CAMTA1: variants seen among roughly 807,000 people sequenced by gnomAD.
CAMTA1 encodes calmodulin binding transcription activator 1, also known as calmodulin-binding transcription activator 1.
CAMTA1 carries 27 observed loss-of-function variants against 170.9 expected under a neutral mutation model. The observed-to-expected ratio is 0.16, with a 90% CI of 0.12 to 0.22. The LOEUF (loss-of-function observed/expected upper bound fraction) is 0.22. CAMTA1 is among the 10% of genes least tolerant of loss of function. The pLI is 1.00. For synonymous variants in CAMTA1, 833 were observed against 891.5 expected, an observed-to-expected ratio of 0.93 and a Z score of 1.17; for missense variants, 1,619 against 2,217.2, an observed-to-expected ratio of 0.73 and a Z score of 5.42.
At chr1:7,676,725 G>A (rs2096124441) in intron 10 of CAMTA1, among the ~76,000 whole-genome samples, 1 of 152,202 alleles carries the variant, frequency 6.6e-6, no homozygotes, top group Non-Finnish European at 1.5e-5. Context: ...CAGGGATGAG[G>A]CCTGGCGGGG....
chr1:7,345,369 T>C (rs1352806401), intron 5 of CAMTA1, among the ~76,000 whole-genome samples: 1 of 151,860 alleles, frequency 6.6e-6, no homozygotes, highest in African/African-American at 2.4e-5. Flanking sequence ...ATTTGAAATC[T>C]GGATCTATCT....
intron 4 of CAMTA1, among the ~76,000 whole-genome samples, chr1:7,203,696 A>T (rs1657124581): frequency 1.3e-5 from 2 of 151,182 alleles, no homozygotes. Context: ...ACGGTTGATA[A>T]TACTGTCCCT....
chr1:7,369,040 G>C (rs922844474), intron 5 of CAMTA1: 1 of 152,304 alleles, frequency 6.6e-6, no homozygotes, highest in African/African-American at 2.4e-5. Flanking sequence ...TTTGGAGGCC[G>C]GAGAGGATGG....
At chr1:7,481,738 A>G (rs1392156512) in intron 6 of CAMTA1, among the ~76,000 whole-genome samples, 2 of 151,804 alleles carry the variant, frequency 1.3e-5, no homozygotes, top group African/African-American at 2.4e-5. Flanking sequence ...CAGCCACAGC[A>G]CACCTCCCCC....
chr1:6,962,164 T>C (rs1690541587), intron 3 of CAMTA1, among the ~76,000 whole-genome samples: 1 of 152,174 alleles, frequency 6.6e-6, no homozygotes, highest in Admixed American at 6.5e-5. Context: ...ACACGTGTGC[T>C]CCGAGTGCCA....
intron 4 of CAMTA1, among the ~76,000 whole-genome samples, chr1:7,123,486 C>T (rs975301184): frequency 6.6e-6 from 1 of 152,158 alleles, no homozygotes; most frequent in African/African-American, 2.4e-5. Context: ...CACCATTCAT[C>T]CTATAGTAGG....
At chr1:6,883,033 A>G (rs1571338763) in intron 3 of CAMTA1, among the ~76,000 whole-genome samples, 1 of 152,122 alleles carries the variant, frequency 6.6e-6, no homozygotes, top group East Asian at 1.9e-4. Context: ...AGCTGGGATT[A>G]CAGGTGTGTG....
At position 6,984,908 on chromosome 1, in the gene CAMTA1, G is replaced by A. The variant is rs577656433; in HGVS notation, c.235-106396G>A. Among the ~76,000 whole-genome samples the A allele has an allele frequency of 1.6e-4, 25 of 152,344 alleles. No homozygotes were observed. The South Asian group carries it at 4.1e-3, about 25-fold the overall frequency. ...GTCTGGAGTAATCTATTACCAGGGC[G>A]CTGGGGTCACACATTCGGACTGTGG... On this transcript the variant is annotated intron_variant, in intron 3 of 22. Transcript: ENST00000303635.
chr1:7,160,410 C>T lies in CAMTA1; in HGVS notation c.302+69039C>T, dbSNP rs12068595. ...CAACGACCTCCTGGTTGCCATCGGA[C>T]GTTTCTCAGTCCTCGTTTCTTTGAC... On this transcript the variant is annotated intron_variant, in intron 4 of 22. Transcript: ENST00000303635. Among the ~76,000 whole-genome samples the T allele has an allele frequency of 3.4e-3, 510 of 152,186 alleles. 6 individuals carry two copies. The highest frequency in any genetic ancestry group is 0.011 in the African/African-American group (454 of 41,538).
At chr1:7,649,785 C>T (rs544986790) in intron 7 of CAMTA1, among the ~76,000 whole-genome samples, 7 of 152,306 alleles carry the variant, frequency 4.6e-5, no homozygotes, top group South Asian at 2.1e-4. Flanking sequence ...TTGTGGAGTG[C>T]GCCCCTGTGC....
At chr1:7,242,209 T>C (rs1226311174) in intron 4 of CAMTA1, among the ~76,000 whole-genome samples, 1 of 152,196 alleles carries the variant, frequency 6.6e-6, no homozygotes, top group Non-Finnish European at 1.5e-5. Context: ...ACATCATTAG[T>C]TATTAGGGAA....
chr1:6,999,504 C>A (rs1697862474), intron 3 of CAMTA1, among the ~76,000 whole-genome samples: 1 of 152,168 alleles, frequency 6.6e-6, no homozygotes, highest in Non-Finnish European at 1.5e-5. Flanking sequence ...CTATCTCAGT[C>A]TCCCAAGTAG....
chr1:7,105,927 G>A (rs1226318594), intron 4 of CAMTA1, among the ~76,000 whole-genome samples: 1 of 146,400 alleles, frequency 6.8e-6, no homozygotes, highest in African/African-American at 2.5e-5. Context: ...GTGACAGAGT[G>A]AGACCATGTC....
chr1:7,523,743 C>A (rs1443165127), intron 6 of CAMTA1, among the ~76,000 whole-genome samples: 1 of 150,626 alleles, frequency 6.6e-6, no homozygotes, highest in African/African-American at 2.5e-5. Flanking sequence ...ATTAGCCGGG[C>A]GTGGTAGTGG....
At chr1:6,984,705 G>A (rs1456082296) in intron 3 of CAMTA1, among the ~76,000 whole-genome samples, 1 of 152,220 alleles carries the variant, frequency 6.6e-6, no homozygotes, top group Non-Finnish European at 1.5e-5. Flanking sequence ...GATGGCCATT[G>A]ACTCTCTCTG....
intron 3 of CAMTA1, among the ~76,000 whole-genome samples, chr1:6,894,951 C>G (rs559725430): frequency 1.3e-5 from 2 of 152,262 alleles, no homozygotes; most frequent in East Asian, 3.9e-4. Flanking sequence ...AGGGTCTTTG[C>G]AAAGCCGGGA....
intron 3 of CAMTA1, among the ~76,000 whole-genome samples, chr1:6,841,474 G>C (rs769907514): frequency 1.3e-5 from 2 of 152,048 alleles, no homozygotes; most frequent in Non-Finnish European, 2.9e-5. Flanking sequence ...AACCTCAATG[G>C]GTGGTTCCAG....
intron 4 of CAMTA1, among the ~76,000 whole-genome samples, chr1:7,240,898 AG>A (rs1664745330): frequency 6.6e-6 from 1 of 152,196 alleles, no homozygotes; most frequent in African/African-American, 2.4e-5. Flanking sequence ...AATCAGGAAC[AG>A]GGCAAAGTGT....
chr1:6,798,645 G>A (rs1268211935), intron 1 of CAMTA1, among the ~76,000 whole-genome samples: 2 of 105,384 alleles, frequency 1.9e-5, no homozygotes, highest in Non-Finnish European at 4.0e-5. Context: ...GCCGGACTGC[G>A]GACTGCAGTG....
Sources: gnomAD v4.1 joint callset for allele counts (sites outside exome capture counted in the v4.1 genomes callset) on GRCh38, gnomAD v4.1.1 for gene constraint, MANE v1.5 for transcripts, NCBI Gene and HGNC (gene_info 2026-07-23, HGNC 2026-07-21) for gene names.